Variants in ZBTB16 observed in about 807,000 individuals in gnomAD.
ZBTB16 encodes the protein zinc finger and BTB domain-containing protein 16.
Under a neutral mutation model 56.8 loss-of-function variants are expected in ZBTB16, and 8 were observed. The observed-to-expected ratio is 0.14, with a 90% CI of 0.08 to 0.25. The LOEUF is 0.25. ZBTB16 is among the 10% of genes least tolerant of loss of function. The pLI is 1.00. For synonymous variants in ZBTB16, 363 were observed against 368.5 expected (o/e 0.98, Z 0.17); for missense variants, 625 against 903.0 (o/e 0.69, Z 3.95).
Position 114,059,840 on chromosome 11 carries a change from G to A in ZBTB16, c.-133G>A. The A allele has an allele frequency of 2.5e-6, 1 of 397,884 alleles. No individual in the cohort carries two copies. 24.6% of individuals were successfully genotyped at this position (397,884 alleles called of 1,614,324 possible). ...TCCCCGACACAGGCACACACCCCCC[G>A]ACAGGCACGCACACCCACCCCACAG... On this transcript the variant is annotated 5_prime_UTR_variant, in exon 1 of 7. Transcript: ENST00000335953. This position sits in a 1 kb window ranked among gnomAD's most constrained non-coding sequence, Gnocchi z 5.3.
intron 4 of ZBTB16, among the ~76,000 whole-genome samples, chr11:114,193,351 T>G (rs1943541194): frequency 1.3e-5 from 2 of 152,094 alleles, no homozygotes. Context: ...CTGCCAGCCT[T>G]AGTGTGAGCT....
chr11:114,222,577 C>T (rs992917930), intron 4 of ZBTB16, among the ~76,000 whole-genome samples: 9 of 152,114 alleles, frequency 5.9e-5, no homozygotes, highest in Non-Finnish European at 1.0e-4. Context: ...GCATTGTATC[C>T]ACCACTGCCA....
chr11:114,233,948 A>G (rs999095416), intron 4 of ZBTB16, among the ~76,000 whole-genome samples: 12 of 152,138 alleles, frequency 7.9e-5, no homozygotes. Context: ...AAGAGACTGA[A>G]AGTTGTATGT....
chr11:114,255,646 G>A lies in ZBTB16; in HGVS notation c.*5091G>A, dbSNP rs1398509341. 6.6e-6 allele frequency among the ~76,000 whole-genome samples: 1 copy of A among 150,516 alleles called. No individual in the cohort carries two copies. Among genetic ancestry groups the A allele is most frequent in the Admixed American group, 6.7e-5 (1 of 15,036 alleles). On this transcript the variant is annotated 3_prime_UTR_variant, in exon 7 of 7. Transcript: ENST00000335953. ...TCGAAGTTGTGCAGTCCTGGTTGCA[G>A]CTTTCCGCATCTGCCTTCGTTTCGT...
In ZBTB16 at chr11:114,196,682, A is replaced by G. The variant is rs556009552; in HGVS notation, c.1453+9644A>G. Among the ~76,000 whole-genome samples, 44 of 152,302 alleles carry G rather than the reference A, an allele frequency of 2.9e-4. No individual in the cohort carries two copies. The East Asian group carries it at 6.2e-3, about 21-fold the overall frequency. On this transcript the variant is annotated intron_variant, in intron 4 of 6. Transcript: ENST00000335953. ...GCTAGGTGCTTTGTGGACTTAATAC[A>G]TAATAGTGAACAGAAATTGGGCCCT... is the stretch of plus-strand genomic sequence containing the variant.
intron 4 of ZBTB16, among the ~76,000 whole-genome samples, chr11:114,212,735 C>T (rs1944020701): frequency 6.6e-6 from 1 of 152,104 alleles, no homozygotes; most frequent in Admixed American, 6.5e-5. Flanking sequence ...ATGTTTGAGA[C>T]TTGGGAACCA....
At chr11:114,092,295 C>T (rs541496922) in intron 2 of ZBTB16, among the ~76,000 whole-genome samples, 5 of 152,236 alleles carry the variant, frequency 3.3e-5, no homozygotes, top group Admixed American at 6.5e-5. Flanking sequence ...AGGGGAGAAG[C>T]GAGGGAGAGC....
chr11:114,117,196 T>C (rs1400758483), intron 2 of ZBTB16, among the ~76,000 whole-genome samples: 1 of 152,012 alleles, frequency 6.6e-6, no homozygotes, highest in Non-Finnish European at 1.5e-5. Context: ...TCACCAGAGC[T>C]TGAGATGTAT....
At position 114,222,116 on chromosome 11, in the gene ZBTB16, A is replaced by T. The variant is rs367848404; in HGVS notation, c.1454-20051A>T. 2.6e-4 allele frequency among the ~76,000 whole-genome samples: 39 copies of T among 152,284 alleles called. No homozygotes were observed. The East Asian group carries it at 6.0e-3, about 23-fold the overall frequency. Reference sequence around the variant, plus strand: ...CATCTTTTGAATCACAGGGTCTTTCATGCTGATCCTTGAGGCACTGAAAAC... The same window carrying T: ...CATCTTTTGAATCACAGGGTCTTTCTTGCTGATCCTTGAGGCACTGAAAAC... On this transcript the variant is annotated intron_variant, in intron 4 of 6. Coordinates refer to ENST00000335953, the MANE Select transcript of ZBTB16 (RefSeq NM_006006.6).
chr11:114,196,824 T>G (rs1176448319), intron 4 of ZBTB16, among the ~76,000 whole-genome samples: 1 of 152,140 alleles, frequency 6.6e-6, no homozygotes, highest in East Asian at 1.9e-4. Flanking sequence ...TTATTTTTAT[T>G]AAGTCTTCAC....
chr11:114,221,308 C>T (rs371335689), intron 4 of ZBTB16, among the ~76,000 whole-genome samples: 29 of 152,222 alleles, frequency 1.9e-4, no homozygotes, highest in East Asian at 3.9e-4. Flanking sequence ...CTGTACCAAC[C>T]GTGTGTGACT....
At chr11:114,094,358 G>A (rs1317997033) in intron 2 of ZBTB16, among the ~76,000 whole-genome samples, 1 of 152,110 alleles carries the variant, frequency 6.6e-6, no homozygotes, top group African/African-American at 2.4e-5. Context: ...GACTTTTTGA[G>A]TAAAACAAAA....
At chr11:114,122,072 G>A (rs528837865) in intron 2 of ZBTB16, among the ~76,000 whole-genome samples, 3 of 152,228 alleles carry the variant, frequency 2.0e-5, no homozygotes, top group Non-Finnish European at 4.4e-5. Context: ...TATTCTAGCA[G>A]ATGTGTGCCT....
intron 2 of ZBTB16, among the ~76,000 whole-genome samples, chr11:114,136,260 C>T (rs763825701): frequency 5.3e-5 from 8 of 152,252 alleles, no homozygotes; most frequent in African/African-American, 9.6e-5. Context: ...AGTACTATCT[C>T]GGCATTTTGC....
chr11:114,166,606 C>G (rs1187041243), intron 3 of ZBTB16, among the ~76,000 whole-genome samples: 1 of 152,154 alleles, frequency 6.6e-6, no homozygotes, highest in Non-Finnish European at 1.5e-5. Context: ...ACTAAATGAG[C>G]TCATCATATC....
chr11:114,075,915 A>T (rs971863002), intron 2 of ZBTB16, among the ~76,000 whole-genome samples: 1 of 152,160 alleles, frequency 6.6e-6, no homozygotes, highest in Admixed American at 6.5e-5. Context: ...TCCCATGAGT[A>T]ATGTTTCTAA....
intron 4 of ZBTB16, among the ~76,000 whole-genome samples, chr11:114,197,816 T>G (rs1943643259): frequency 2.0e-5 from 3 of 152,040 alleles, no homozygotes. Context: ...CAACGCTCCT[T>G]CCCTCAGGAT....
At chr11:114,192,798 C>A (rs909155763) in intron 4 of ZBTB16, among the ~76,000 whole-genome samples, 2 of 152,248 alleles carry the variant, frequency 1.3e-5, no homozygotes, top group Non-Finnish European at 1.5e-5. Flanking sequence ...CCGCATGTAA[C>A]TGAGAATCCC....
intron 2 of ZBTB16, among the ~76,000 whole-genome samples, chr11:114,113,893 T>C (rs529960581): frequency 6.6e-6 from 1 of 152,372 alleles, no homozygotes; most frequent in South Asian, 2.1e-4. Flanking sequence ...ATTCATTTAT[T>C]CAATTAGTCA....
Sources: gnomAD v4.1 joint callset for allele counts (sites outside exome capture counted in the v4.1 genomes callset) on GRCh38, gnomAD v4.1.1 for gene constraint, Gnocchi (gnomAD v3.1) non-coding constraint, MANE v1.5 for transcripts, NCBI Gene and HGNC (gene_info 2026-07-23, HGNC 2026-07-21) for gene names.